SPRED2: variants seen among roughly 807,000 people sequenced by gnomAD.
The protein encoded by SPRED2 is sprouty-related, EVH1 domain-containing protein 2.
In SPRED2, 47 loss-of-function variants were observed where a neutral mutation model predicts 43.0. That is an observed-to-expected ratio of 1.09 (90% confidence interval 0.87 to 1.40). The LOEUF (loss-of-function observed/expected upper bound fraction) is 1.40, where lower values mean the gene tolerates loss of function less well. SPRED2 is among the 40% of genes most tolerant of loss of function. The pLI is 0.00. For missense variants in SPRED2, 561 were observed against 586.4 expected (o/e 0.96, Z 0.45); for synonymous variants, 225 against 225.7 (o/e 1.00, Z 0.03).
intron 1 of SPRED2, among the ~76,000 whole-genome samples, chr2:65,418,959 G>A (rs1455694778): frequency 2.6e-5 from 4 of 151,906 alleles, no homozygotes; most frequent in Non-Finnish European, 4.4e-5. Flanking sequence ...GCAATATTTA[G>A]AATGAAAAGA....
intron 1 of SPRED2, among the ~76,000 whole-genome samples, chr2:65,349,803 C>T (rs932798289): frequency 1.3e-5 from 2 of 152,234 alleles, no homozygotes; most frequent in Admixed American, 6.5e-5. Flanking sequence ...CTTCCTGCCT[C>T]GATGCCTCCT....
chr2:65,419,406 A>T (rs1167799181), intron 1 of SPRED2, among the ~76,000 whole-genome samples: 1 of 151,636 alleles, frequency 6.6e-6, no homozygotes, highest in South Asian at 2.1e-4. Flanking sequence ...CACTAAATCC[A>T]CTCCAGAGTA....
intron 4 of SPRED2, among the ~76,000 whole-genome samples, chr2:65,327,861 T>C (rs1040284565): frequency 2.4e-4 from 37 of 151,674 alleles, no homozygotes; most frequent in Non-Finnish European, 3.7e-4. Context: ...GTAGCTGGGA[T>C]TACAGGGGCC....
At chr2:65,431,941 C>T (rs772160484) in intron 1 of SPRED2, 21 bp downstream of exon 1, 38 of 1,613,686 alleles carry the variant, frequency 2.4e-5, no homozygotes, top group Non-Finnish European at 3.1e-5. Context: ...CACCCTCGTC[C>T]CACCCCGCGA....
intron 1 of SPRED2, among the ~76,000 whole-genome samples, chr2:65,418,498 C>T (rs895385063): frequency 6.6e-6 from 1 of 152,156 alleles, no homozygotes; most frequent in Admixed American, 6.5e-5. Flanking sequence ...CGGAAGTGAA[C>T]TCTCCCCTGG....
In SPRED2 at chr2:65,316,736, G is replaced by T. The variant is rs766058542; in HGVS notation, c.586C>A (p.Gln196Lys). 1.7e-5 allele frequency: 28 copies of T among 1,608,824 alleles called. No individual in the cohort carries two copies. The highest frequency in any genetic ancestry group is 2.2e-5 in the Non-Finnish European group (26 of 1,178,054). The change falls in exon 5 of 6, where the codon CAG (glutamine) becomes AAG (lysine). Residue 196 changes from glutamine to lysine, a missense_variant and splice_region_variant. Transcript: ENST00000356388. The stretch of plus-strand genomic sequence containing the variant: ...AGAGGAACAGGGCTGCTGCTCACCT[G>T]ATCGAGGTGATAGTGGTCTGTGGGG... ...SYPTDHYHLD[Q>K]PMPRPYRQVS...
chr2:65,319,728 C>T (rs1673357182), intron 4 of SPRED2, among the ~76,000 whole-genome samples: 2 of 151,428 alleles, frequency 1.3e-5, no homozygotes, highest in Non-Finnish European at 2.9e-5. Context: ...TGTGCCAGGC[C>T]CTGAGCTACT....
intron 1 of SPRED2, among the ~76,000 whole-genome samples, chr2:65,345,615 T>C (rs80338269): frequency 0.012 from 1,821 of 152,284 alleles, 33 homozygotes; most frequent in African/African-American, 0.04. Context: ...GAGTTGAAAA[T>C]GAATGACCAA....
chr2:65,415,572 A>G (rs13417582), intron 1 of SPRED2, among the ~76,000 whole-genome samples: 3,791 of 152,320 alleles, frequency 0.025, 155 homozygotes, highest in African/African-American at 0.087. Flanking sequence ...TTTAACCATT[A>G]AAATAGCTAA....
At chr2:65,334,505 C>G (rs574258107) in intron 3 of SPRED2, 100 bp downstream of exon 3, 1 of 1,468,922 alleles carries the variant, frequency 6.8e-7, no homozygotes, top group African/African-American at 1.4e-5. Context: ...CAAACCCTCC[C>G]GCAAATAAAC....
chr2:65,369,584 G>A (rs1046592289), intron 1 of SPRED2, among the ~76,000 whole-genome samples: 14 of 152,208 alleles, frequency 9.2e-5, no homozygotes, highest in African/African-American at 2.2e-4. Flanking sequence ...CTGTTTGGTC[G>A]ACTTGCATGC....
intron 4 of SPRED2, among the ~76,000 whole-genome samples, chr2:65,326,678 A>C (rs1449935560): frequency 6.6e-6 from 1 of 152,038 alleles, no homozygotes; most frequent in Non-Finnish European, 1.5e-5. Context: ...CCAACCAACC[A>C]ACCAAGAAAA....
chr2:65,362,479 C>T (rs1356828685), intron 1 of SPRED2, among the ~76,000 whole-genome samples: 1 of 152,024 alleles, frequency 6.6e-6, no homozygotes, highest in Non-Finnish European at 1.5e-5. Context: ...ACTGTGTTAG[C>T]CAGGATGGTC....
intron 1 of SPRED2, among the ~76,000 whole-genome samples, chr2:65,377,068 T>C (rs895440938): frequency 2.6e-5 from 4 of 152,356 alleles, no homozygotes; most frequent in Admixed American, 2.6e-4. Flanking sequence ...ATCTGCACAA[T>C]ATTCCACTAT....
chr2:65,390,056 T>A (rs1297526699), intron 1 of SPRED2, among the ~76,000 whole-genome samples: 1 of 152,196 alleles, frequency 6.6e-6, no homozygotes, highest in African/African-American at 2.4e-5. Flanking sequence ...ATGTTTGGAT[T>A]CTTCCTGCAA....
At chr2:65,344,509 A>G (rs1674282341) in intron 2 of SPRED2, 1 of 709,842 alleles carries the variant, frequency 1.4e-6, no homozygotes, top group Non-Finnish European at 2.6e-6. Context: ...CATCTCGGAT[A>G]AAGCGTGTGG....
At chr2:65,404,022 T>C (rs1199491271) in intron 1 of SPRED2, among the ~76,000 whole-genome samples, 2 of 152,068 alleles carry the variant, frequency 1.3e-5, no homozygotes, top group African/African-American at 4.8e-5. Flanking sequence ...CTGGCTAACA[T>C]GGTGAAACCC....
At position 65,313,559 on chromosome 2, in the gene SPRED2, C is replaced by A; in HGVS notation, c.1199G>T (p.Cys400Phe). The change falls in exon 6 of 6, where the codon TGC (cysteine) becomes TTC (phenylalanine). Residue 400 changes from cysteine (C) to phenylalanine (F), a missense_variant. Around this residue, in one of 6 missense-constraint regions of SPRED2, gnomAD observed 65 missense variants for 60.2 expected, o/e 1.08. Transcript: ENST00000356388. The stretch of plus-strand genomic sequence containing the variant: ...CCTGCACATCACTCCGCAGTGGTAG[C>A]AGGCCCGAAGGGGCAGGTAACAGCA... ...CMCCYLPLRA[C>F]YHCGVMCRCC... is the part of the protein sequence containing the mutation. The A allele has an allele frequency of 6.2e-7, 1 of 1,613,860 alleles. No individual in the cohort carries two copies. Among genetic ancestry groups the A allele is most frequent in the South Asian group, 1.1e-5 (1 of 91,004 alleles).
chr2:65,382,907 T>C (rs1675405528), intron 1 of SPRED2, among the ~76,000 whole-genome samples: 1 of 152,188 alleles, frequency 6.6e-6, no homozygotes, highest in African/African-American at 2.4e-5. Context: ...TGGAGTCACC[T>C]GGATCTCTAA....
Sources: allele counts gnomAD v4.1 joint callset (sites outside exome capture counted in the v4.1 genomes callset), GRCh38; gene constraint gnomAD v4.1.1; regional missense constraint gnomAD v4.1.1; transcripts MANE v1.5; gene names NCBI Gene and HGNC (gene_info 2026-07-23, HGNC 2026-07-21).